NSUN7: variants seen among roughly 807,000 people sequenced by gnomAD.
NSUN7 encodes protein NSUN7.
Under a neutral mutation model 58.5 loss-of-function variants are expected in NSUN7, and 39 were observed. The ratio of observed to expected loss-of-function variants is 0.67; its 90% confidence interval spans 0.52 to 0.87. The LOEUF is 0.87. NSUN7 is among the 40% of genes least tolerant of loss of function. The probability of loss-of-function intolerance (pLI) is 0.00; values close to 1 mark genes in which losing one functional copy is unlikely to be tolerated. For synonymous variants in NSUN7, 278 were observed against 303.7 expected, an observed-to-expected ratio of 0.92 and a Z score of 0.88; for missense variants, 765 against 844.1, an observed-to-expected ratio of 0.91 and a Z score of 1.16.
In NSUN7 at chr4:40,750,877, T is replaced by A. The variant is rs1263895266; in HGVS notation, c.184T>A (p.Ser62Thr). The A allele has an allele frequency of 1.2e-6, 2 of 1,614,042 alleles. No individual in the cohort carries two copies. The highest frequency in any genetic ancestry group is 1.7e-6 in the Non-Finnish European group (2 of 1,180,036). Residue 62 changes from serine to threonine, a missense_variant, in exon 2 of 12, where the codon TCG (serine) becomes ACG (threonine). By Grantham distance (58) the Ser-to-Thr change is moderately conservative. Transcript: ENST00000381782. ...NIFQGIRIEK[S>T]AQKVLIKYGN... ...TTTTCAGGGTATTCGAATCGAAAAGTCGGCACAGAAAGTCTTAATCAAGTA... is the reference window on the plus strand; with the variant it reads ...TTTTCAGGGTATTCGAATCGAAAAGACGGCACAGAAAGTCTTAATCAAGTA...
At chr4:40,768,204 CTTTTTTTTTT>C (rs761378053) in intron 4 of NSUN7, among the ~76,000 whole-genome samples, 1 of 138,770 alleles carries the variant, frequency 7.2e-6, no homozygotes, top group Non-Finnish European at 1.6e-5. Context: ...CTTTTTTTTT[CTTTTTTTTTT>C]TTTTTGAGAC....
Position 40,808,347 on chromosome 4 carries a change from C to G in NSUN7, c.1565C>G (p.Ala522Gly), listed in dbSNP as rs183163485. ...SETVSVNDVL[A>G]RAAAKGLLDG... ...ACAGTGTCTGTGAATGATGTTTTGGCCCGAGCTGCAGCCAAGGGTCTGCTG... is the reference window on the plus strand; with the variant it reads ...ACAGTGTCTGTGAATGATGTTTTGGGCCGAGCTGCAGCCAAGGGTCTGCTG... The change falls in exon 12 of 12, where the codon GCC (alanine) becomes GGC (glycine). Residue 522 changes from alanine to glycine, a missense_variant. By Grantham distance (60) the Ala-to-Gly change is moderately conservative. Coordinates refer to ENST00000381782, the MANE Select transcript of NSUN7 (RefSeq NM_024677.6). 17 of 1,613,876 alleles carry G rather than the reference C, an allele frequency of 1.1e-5. No individual in the cohort carries two copies. The highest frequency in any genetic ancestry group is 1.4e-5 in the Non-Finnish European group (17 of 1,179,938).
chr4:40,761,887 T>C (rs1000722665), intron 4 of NSUN7, among the ~76,000 whole-genome samples: 1 of 152,132 alleles, frequency 6.6e-6, no homozygotes, highest in African/African-American at 2.4e-5. Flanking sequence ...ATAAAGTAAA[T>C]TGGTCAGTAA....
At chr4:40,797,608 T>C (rs1371152010) in intron 9 of NSUN7, among the ~76,000 whole-genome samples, 2 of 152,196 alleles carry the variant, frequency 1.3e-5, no homozygotes, top group African/African-American at 2.4e-5. Flanking sequence ...ATTCAACTTA[T>C]ATCCAGAATA....
At chr4:40,764,970 C>A (rs1741645199) in intron 4 of NSUN7, among the ~76,000 whole-genome samples, 1 of 149,980 alleles carries the variant, frequency 6.7e-6, no homozygotes, top group Non-Finnish European at 1.5e-5. Flanking sequence ...ATTGTAGATT[C>A]TGGATATTAG....
At chr4:40,796,482 A>G (rs1743329305) in intron 9 of NSUN7, among the ~76,000 whole-genome samples, 1 of 152,104 alleles carries the variant, frequency 6.6e-6, no homozygotes, top group Non-Finnish European at 1.5e-5. Context: ...TCTACAAAAA[A>G]TAAAAAAAGT....
At chr4:40,764,813 C>T (rs1240179095) in intron 4 of NSUN7, among the ~76,000 whole-genome samples, 1 of 152,168 alleles carries the variant, frequency 6.6e-6, no homozygotes, top group African/African-American at 2.4e-5. Context: ...TTTTGATTTG[C>T]ATTTCTCTGA....
At chr4:40,762,151 G>C (rs1741491550) in intron 4 of NSUN7, among the ~76,000 whole-genome samples, 1 of 152,174 alleles carries the variant, frequency 6.6e-6, no homozygotes, top group South Asian at 2.1e-4. Flanking sequence ...CCAAATGCCA[G>C]CACCTTGATT....
At chr4:40,799,253 T>C (rs1171665481) in intron 10 of NSUN7, among the ~76,000 whole-genome samples, 1 of 151,922 alleles carries the variant, frequency 6.6e-6, no homozygotes, top group Non-Finnish European at 1.5e-5. Context: ...GCCAGGCTAA[T>C]TTTTGTATTT....
intron 7 of NSUN7, among the ~76,000 whole-genome samples, chr4:40,784,882 A>ATC (rs1742735547): frequency 6.6e-6 from 1 of 152,222 alleles, no homozygotes; most frequent in East Asian, 1.9e-4. Flanking sequence ...AAGGATATAG[A>ATC]AGATGGAAAC....
chr4:40,775,951 A>G lies in NSUN7; in HGVS notation c.826-98A>G. ...AACTAAAATTGGTTAGGTCTCTAAT[A>G]TTACTATGAGGTACTTTCTTTTATG... On this transcript the variant is annotated intron_variant, in intron 6 of 11. Coordinates refer to ENST00000381782, the MANE Select transcript of NSUN7 (RefSeq NM_024677.6). The surrounding 1 kb of genome is among the most constrained non-coding windows in gnomAD (Gnocchi z 4.3). The G allele has an allele frequency of 4.3e-6, 3 of 699,850 alleles. No individual in the cohort carries two copies. Among genetic ancestry groups the G allele is most frequent in the South Asian group, 4.8e-5 (2 of 42,026 alleles). 43.4% of individuals were successfully genotyped at this position (699,850 alleles called of 1,614,324 possible).
At chr4:40,803,991 CAG>C (rs1266582480) in intron 10 of NSUN7, among the ~76,000 whole-genome samples, 2 of 152,062 alleles carry the variant, frequency 1.3e-5, no homozygotes, top group Non-Finnish European at 2.9e-5. Flanking sequence ...GATTGGGAGA[CAG>C]AGCAAAAGCC....
chr4:40,786,635 T>A lies in NSUN7; in HGVS notation c.1037-3967T>A. The A allele has an allele frequency of 2.5e-6, 4 of 1,607,794 alleles. No homozygotes were observed. In the South Asian group the frequency reaches 4.4e-5, roughly 18 times the overall value. On this transcript the variant is annotated intron_variant, in intron 7 of 11. Coordinates refer to ENST00000381782, the MANE Select transcript of NSUN7 (RefSeq NM_024677.6). ...ACCTGTGCAATCATAGGAGATGGCC[T>A]AAAGGAAGGACTTGAGAAACTACAT...
In NSUN7 at chr4:40,790,745, G is replaced by T. The variant is rs780996312; in HGVS notation, c.1180G>T (p.Asp394Tyr). 2.6e-6 allele frequency: 4 copies of T among 1,566,560 alleles called. No homozygotes were observed. In the East Asian group the frequency reaches 6.9e-5, roughly 27 times the overall value. The change falls in exon 8 of 12, where the codon GAT becomes TAT. Residue 394 changes from aspartate to tyrosine, a missense_variant and splice_region_variant. Physicochemically the swap from Asp to Tyr is radical, Grantham distance 160 (BLOSUM62 -3). Coordinates refer to ENST00000381782, the MANE Select transcript of NSUN7 (RefSeq NM_024677.6). ...AGAATTTATTTTAAATGAACATGAAGGTACTTGTTTTAATTTCTAAATTAT... is the reference window on the plus strand; with the variant it reads ...AGAATTTATTTTAAATGAACATGAATGTACTTGTTTTAATTTCTAAATTAT... ...PVEFILNEHE[D>Y]TEFLKDHSQG...
At chr4:40,786,169 T>A in intron 7 of NSUN7, 1 of 1,613,452 alleles carries the variant, frequency 6.2e-7, no homozygotes, top group South Asian at 1.1e-5. Context: ...TTCATTTCAG[T>A]CCTTCCACAT....
At chr4:40,787,919 C>A (rs1428728351) in intron 7 of NSUN7, among the ~76,000 whole-genome samples, 1 of 152,182 alleles carries the variant, frequency 6.6e-6, no homozygotes, top group Non-Finnish European at 1.5e-5. Flanking sequence ...ACTGCAACCT[C>A]CACCTCCCAG....
Position 40,808,642 on chromosome 4 carries a change from G to C in NSUN7, c.1860G>C (p.Lys620Asn). 1.3e-6 allele frequency: 2 copies of C among 1,551,856 alleles called. No homozygotes were observed. Among genetic ancestry groups the C allele is most frequent in the Non-Finnish European group, 1.7e-6 (2 of 1,147,048 alleles). ...ATCCTGCAGTGCCTGCATTTGTGAA[G>C]AACACTTGTCCCTCCAGACCGCGTG... ...APHPAVPAFV[K>N]NTCPSRPRER... Residue 620 changes from lysine (K) to asparagine (N), a missense_variant, in exon 12 of 12, where the codon AAG becomes AAC. Transcript: ENST00000381782.
chr4:40,803,468 T>C (rs1455899738), intron 10 of NSUN7, among the ~76,000 whole-genome samples: 1 of 152,234 alleles, frequency 6.6e-6, no homozygotes, highest in Non-Finnish European at 1.5e-5. Context: ...GACTTTTTAA[T>C]GATCGCCATT....
chr4:40,757,350 T>C (rs1202222673), intron 2 of NSUN7, among the ~76,000 whole-genome samples: 2 of 152,038 alleles, frequency 1.3e-5, no homozygotes, highest in Non-Finnish European at 2.9e-5. Context: ...GTGTTCCGAA[T>C]GTGTTTAAGA....
Sources: gnomAD v4.1 joint callset for allele counts (sites outside exome capture counted in the v4.1 genomes callset) on GRCh38, gnomAD v4.1.1 for gene constraint, Gnocchi (gnomAD v3.1) non-coding constraint, MANE v1.5 for transcripts, NCBI Gene and HGNC (gene_info 2026-07-23, HGNC 2026-07-21) for gene names.